HPCA: variants seen among roughly 807,000 people sequenced by gnomAD.
HPCA encodes neuron-specific calcium-binding protein hippocalcin.
Under a neutral mutation model 18.2 loss-of-function variants are expected in HPCA, and 4 were observed. That is an observed-to-expected ratio of 0.22 (90% CI 0.11 to 0.50). The LOEUF is 0.50. HPCA is among the 20% of genes least tolerant of loss of function. HPCA has a pLI of 0.97. For missense variants in HPCA, 161 were observed against 265.8 expected, an observed-to-expected ratio of 0.61 and a Z score of 2.74; for synonymous variants, 93 against 103.5, an observed-to-expected ratio of 0.90 and a Z score of 0.61.
At chr1:32,887,039 G>A (rs1378378252) in intron 1 of HPCA, among the ~76,000 whole-genome samples, 1 of 152,156 alleles carries the variant, frequency 6.6e-6, no homozygotes, top group Non-Finnish European at 1.5e-5. Flanking sequence ...CCTTGAGGAG[G>A]GCAGTGCGGG....
At position 32,894,595 on chromosome 1, in the gene HPCA, G is replaced by T; in HGVS notation, c.*733G>T. ...CGCCCCCCCTGCATGCAGCCAAATG[G>T]AGCATCTCTGTTCTTTTTAATAATT... On this transcript the variant is annotated 3_prime_UTR_variant, in exon 4 of 4. Transcript: ENST00000373467. 1 of 622,872 alleles carries T rather than the reference G, an allele frequency of 1.6e-6. No individual in the cohort carries two copies. 38.6% of individuals were successfully genotyped at this position (622,872 alleles called of 1,614,324 possible).
Position 32,893,673 on chromosome 1 carries a change from T to TTG in HPCA, c.484+44_484+45insTG. 5.3e-6 allele frequency: 7 copies of TTG among 1,314,108 alleles called. No individual in the cohort carries two copies. Among genetic ancestry groups the TTG allele is most frequent in the South Asian group, 1.2e-5 (1 of 82,800 alleles). 81.4% of individuals were successfully genotyped at this position (1,314,108 alleles called of 1,614,324 possible). The stretch of plus-strand genomic sequence containing the variant: ...ACGGGGTGGACGGGGCGGGCGCCTT[T>TTG]CCCTCCCTCCCTCCCTGCCTCCCTT... On this transcript the variant is annotated intron_variant, in intron 3 of 3. Coordinates refer to ENST00000373467, the MANE Select transcript of HPCA (RefSeq NM_002143.3). This position sits in a 1 kb window ranked among gnomAD's most constrained non-coding sequence, Gnocchi z 7.5.
intron 2 of HPCA, among the ~76,000 whole-genome samples, chr1:32,891,906 A>G (rs1262608797): frequency 1.3e-5 from 2 of 152,186 alleles, no homozygotes; most frequent in African/African-American, 4.8e-5. Flanking sequence ...TCCAGCAGCT[A>G]AGAGGGAACA....
intron 2 of HPCA, among the ~76,000 whole-genome samples, chr1:32,891,927 G>A (rs1311219363): frequency 1.3e-5 from 2 of 152,164 alleles, no homozygotes; most frequent in African/African-American, 4.8e-5. Flanking sequence ...GGTACAAATC[G>A]AGTCTCTGCC....
chr1:32,893,525 C>T lies in HPCA; in HGVS notation c.380C>T (p.Ala127Val). ...SREEMLEIVQ[A>V]IYKMVSSVMK... ...CCCCGCCTCCCCTCCCGCCCCCAGG[C>T]CATTTACAAGATGGTTTCGTCCGTG... Residue 127 changes from alanine to valine, a missense_variant and splice_region_variant, in exon 3 of 4, where the codon GCC becomes GTC. By Grantham distance (64) the Ala-to-Val change is moderately conservative. Coordinates refer to ENST00000373467, the MANE Select transcript of HPCA (RefSeq NM_002143.3). The surrounding 1 kb of genome is among the most constrained non-coding windows in gnomAD (Gnocchi z 7.5). 6.2e-7 allele frequency: 1 copy of T among 1,610,052 alleles called. No individual in the cohort carries two copies. The highest frequency in any genetic ancestry group is 1.1e-5 in the South Asian group (1 of 90,926).
Position 32,893,812 on chromosome 1 carries a change from T to A in HPCA, c.532T>A (p.Ser178Thr). Reference sequence around the variant, plus strand: ...CATCCGCGGGGCCAAAAGCGACCCGTCCATCGTGCGTCTGCTGCAGTGCGA... The same window carrying A: ...CATCCGCGGGGCCAAAAGCGACCCGACCATCGTGCGTCTGCTGCAGTGCGA... ...EFIRGAKSDP[S>T]IVRLLQCDPS... The change falls in exon 4 of 4, where the codon TCC (serine) becomes ACC (threonine). Residue 178 changes from serine to threonine, a missense_variant. Physicochemically the swap from Ser to Thr is moderately conservative, Grantham distance 58. Transcript: ENST00000373467. The surrounding 1 kb of genome is among the most constrained non-coding windows in gnomAD (Gnocchi z 7.5). The A allele has an allele frequency of 6.3e-7, 1 of 1,581,096 alleles. No individual in the cohort carries two copies. Among genetic ancestry groups the A allele is most frequent in the Non-Finnish European group, 8.6e-7 (1 of 1,164,408 alleles).
chr1:32,893,674 CCCT>C lies in HPCA; in HGVS notation c.484+48_484+50del. 2.8e-6 allele frequency: 2 copies of C among 720,804 alleles called. No homozygotes were observed. The allele number at this position is 720,804 out of a possible 1,614,324, so 44.7% of individuals were successfully genotyped here. A position where few individuals can be genotyped will look rare whatever the true frequency, so the allele number is the denominator to read the frequency against. ...CGGGGTGGACGGGGCGGGCGCCTTT[CCCT>C]CCCTCCCTCCCTGCCTCCCTTTCCC... On this transcript the variant is annotated intron_variant, in intron 3 of 3. Coordinates refer to ENST00000373467, the MANE Select transcript of HPCA (RefSeq NM_002143.3). The surrounding 1 kb of genome is among the most constrained non-coding windows in gnomAD (Gnocchi z 7.5).
chr1:32,893,679 C>T lies in HPCA; in HGVS notation c.484+50C>T, dbSNP rs541521872. Reference sequence around the variant, plus strand: ...TGGACGGGGCGGGCGCCTTTCCCTCCCTCCCTCCCTGCCTCCCTTTCCCGC... The same window carrying T: ...TGGACGGGGCGGGCGCCTTTCCCTCTCTCCCTCCCTGCCTCCCTTTCCCGC... On this transcript the variant is annotated intron_variant, in intron 3 of 3. Transcript: ENST00000373467. This position sits in a 1 kb window ranked among gnomAD's most constrained non-coding sequence, Gnocchi z 7.5. 43 of 1,453,038 alleles carry T rather than the reference C, an allele frequency of 3.0e-5. 1 individual carries two copies. In the South Asian group the frequency reaches 4.2e-4, roughly 14 times the overall value. The allele number at this position is 1,453,038 out of a possible 1,614,324, so 90.0% of individuals were successfully genotyped here.
At position 32,893,279 on chromosome 1, in the gene HPCA, T is replaced by A. The variant is rs1386957357; in HGVS notation, c.379-245T>A. Reference sequence around the variant, plus strand: ...CTCGGAGCTTCCACCTGCGGCGCCTTTGCTCCTTTCCCACCCAGCCCTCCA... The same window carrying A: ...CTCGGAGCTTCCACCTGCGGCGCCTATGCTCCTTTCCCACCCAGCCCTCCA... On this transcript the variant is annotated intron_variant, in intron 2 of 3. Coordinates refer to ENST00000373467, the MANE Select transcript of HPCA (RefSeq NM_002143.3). The surrounding 1 kb of genome is among the most constrained non-coding windows in gnomAD (Gnocchi z 7.5). Among the ~76,000 whole-genome samples the A allele has an allele frequency of 2.0e-5, 3 of 152,114 alleles. No homozygotes were observed. The highest frequency in any genetic ancestry group is 6.5e-5 in the Admixed American group (1 of 15,288).
chr1:32,892,164 G>A (rs528704090), intron 2 of HPCA, among the ~76,000 whole-genome samples: 1 of 152,318 alleles, frequency 6.6e-6, no homozygotes, highest in African/African-American at 2.4e-5. Context: ...CCAGCCAGGG[G>A]AGACCTGATG....
intron 2 of HPCA, among the ~76,000 whole-genome samples, chr1:32,890,920 T>C (rs1408463551): frequency 6.6e-6 from 1 of 152,250 alleles, no homozygotes; most frequent in African/African-American, 2.4e-5. Context: ...ACTCTTTAGT[T>C]GCTTGATGGT....
Position 32,894,162 on chromosome 1 carries a change from G to A in HPCA, c.*300G>A. 2.5e-6 allele frequency: 1 copy of A among 392,634 alleles called. No homozygotes were observed. Among genetic ancestry groups the A allele is most frequent in the Non-Finnish European group, 4.6e-6 (1 of 217,022 alleles). 24.3% of individuals were successfully genotyped at this position (392,634 alleles called of 1,614,324 possible). A position where few individuals can be genotyped will look rare whatever the true frequency, so the allele number is the denominator to read the frequency against. On this transcript the variant is annotated 3_prime_UTR_variant, in exon 4 of 4. Transcript: ENST00000373467. Reference sequence around the variant, plus strand: ...AAGGCCCGACCCCTCCCCCAAAGGGGCAGTCCCCTTCTTGCAGGTCTCAGC... The same window carrying A: ...AAGGCCCGACCCCTCCCCCAAAGGGACAGTCCCCTTCTTGCAGGTCTCAGC...
At chr1:32,887,809 G>A (rs1446851581) in intron 1 of HPCA, among the ~76,000 whole-genome samples, 1 of 152,148 alleles carries the variant, frequency 6.6e-6, no homozygotes, top group East Asian at 1.9e-4. Flanking sequence ...GTCGTGGGCT[G>A]GTGTGTCTTG....
In HPCA at chr1:32,894,590, A is replaced by C; in HGVS notation, c.*728A>C. 9.1e-5 allele frequency: 40 copies of C among 441,858 alleles called. No individual in the cohort carries two copies. Among genetic ancestry groups the C allele is most frequent in the East Asian group, 2.3e-4 (5 of 21,502 alleles). 27.4% of individuals were successfully genotyped at this position (441,858 alleles called of 1,614,324 possible). A position where few individuals can be genotyped will look rare whatever the true frequency, so the allele number is the denominator to read the frequency against. On this transcript the variant is annotated 3_prime_UTR_variant, in exon 4 of 4. Coordinates refer to ENST00000373467, the MANE Select transcript of HPCA (RefSeq NM_002143.3). Reference sequence around the variant, plus strand: ...CCAACCGCCCCCCCTGCATGCAGCCAAATGGAGCATCTCTGTTCTTTTTAA... The same window carrying C: ...CCAACCGCCCCCCCTGCATGCAGCCCAATGGAGCATCTCTGTTCTTTTTAA...
In HPCA at chr1:32,889,293, C is replaced by T. The variant is rs757330247; in HGVS notation, c.378+17C>T. 2 of 1,598,132 alleles carry T rather than the reference C, an allele frequency of 1.3e-6. No homozygotes were observed. The highest frequency in any genetic ancestry group is 1.1e-5 in the South Asian group (1 of 89,020). Reference sequence around the variant, plus strand: ...ATCGTGCAGGTGGGCCCCTGGGCCCCTCAGAATGCCAGGCACAGGGCCCGG... The same window carrying T: ...ATCGTGCAGGTGGGCCCCTGGGCCCTTCAGAATGCCAGGCACAGGGCCCGG... On this transcript the variant is annotated intron_variant, in intron 2 of 3. Coordinates refer to ENST00000373467, the MANE Select transcript of HPCA (RefSeq NM_002143.3). This position sits in a 1 kb window ranked among gnomAD's most constrained non-coding sequence, Gnocchi z 4.6.
At position 32,889,426 on chromosome 1, in the gene HPCA, T is replaced by A; in HGVS notation, c.378+150T>A. The A allele has an allele frequency of 1.0e-6, 1 of 974,542 alleles. No individual in the cohort carries two copies. The allele number at this position is 974,542 out of a possible 1,614,324, so 60.4% of individuals were successfully genotyped here. On this transcript the variant is annotated intron_variant, in intron 2 of 3. Coordinates refer to ENST00000373467, the MANE Select transcript of HPCA (RefSeq NM_002143.3). This position sits in a 1 kb window ranked among gnomAD's most constrained non-coding sequence, Gnocchi z 4.6. ...TTTAAAAATTGTTTTTAGGAAATAT[T>A]TCCCATTTAAAGAAAAGTTGAGAAA...
In HPCA at chr1:32,893,918, C is replaced by A; in HGVS notation, c.*56C>A. ...TCACCGGCCCCCTCCCGGCTCTTAG[C>A]TTCCACTCCCTTGTGTGTATTCTGG... On this transcript the variant is annotated 3_prime_UTR_variant, in exon 4 of 4. Coordinates refer to ENST00000373467, the MANE Select transcript of HPCA (RefSeq NM_002143.3). The surrounding 1 kb of genome is among the most constrained non-coding windows in gnomAD (Gnocchi z 7.5). 1.6e-6 allele frequency: 2 copies of A among 1,219,538 alleles called. No individual in the cohort carries two copies. The highest frequency in any genetic ancestry group is 2.3e-6 in the Non-Finnish European group (2 of 851,156). 75.5% of individuals were successfully genotyped at this position (1,219,538 alleles called of 1,614,324 possible).
chr1:32,890,472 G>T (rs1641436788), intron 2 of HPCA, among the ~76,000 whole-genome samples: 1 of 152,220 alleles, frequency 6.6e-6, no homozygotes, highest in Non-Finnish European at 1.5e-5. Flanking sequence ...CACCTGTAAA[G>T]TGGGGGTGTT....
intron 1 of HPCA, among the ~76,000 whole-genome samples, chr1:32,888,642 C>T (rs1328639475): frequency 1.3e-5 from 2 of 152,166 alleles, no homozygotes; most frequent in Non-Finnish European, 2.9e-5. Flanking sequence ...ATGTGAACCA[C>T]CCTTCCCTTC....
Sources: allele counts gnomAD v4.1 joint callset (sites outside exome capture counted in the v4.1 genomes callset), GRCh38; gene constraint gnomAD v4.1.1; non-coding constraint Gnocchi (gnomAD v3.1); transcripts MANE v1.5; gene names NCBI Gene and HGNC (gene_info 2026-07-23, HGNC 2026-07-21).